The following GPHN variants were observed in gnomAD, a reference collection of about 807,000 sequenced individuals.
The protein encoded by GPHN is gephyrin.
A neutral mutation model predicts 95.5 loss-of-function variants in GPHN; 17 were observed. The ratio of observed to expected loss-of-function variants is 0.18; its 90% CI spans 0.12 to 0.27. The LOEUF is 0.27. Among genes scored for constraint, GPHN ranks in the 10% least tolerant of loss-of-function variants. GPHN has a pLI of 1.00. For missense variants in GPHN, 660 were observed against 978.1 expected (o/e 0.67, Z 4.34); for synonymous variants, 320 against 322.5 (o/e 0.99, Z 0.08).
chr14:67,015,879 AATG>A (rs2073282071), intron 9 of GPHN, among the ~76,000 whole-genome samples: 1 of 152,148 alleles, frequency 6.6e-6, no homozygotes, highest in East Asian at 1.9e-4. Context: ...ATTACTGTTA[AATG>A]ATTAGTCCAT....
the GPHN span, chr14:67,387,222 GT>G: frequency 1.8e-6 from 2 of 1,089,868 alleles, no homozygotes; most frequent in Non-Finnish European, 2.6e-6. Context: ...CTCCAAAGCA[GT>G]ACAAAACTTA....
intron 13 of GPHN, 26 bp from the exon 14 acceptor site, chr14:67,110,114 A>C: frequency 6.2e-7 from 1 of 1,609,976 alleles, no homozygotes; most frequent in Non-Finnish European, 8.5e-7. Flanking sequence ...AAGTACATCA[A>C]CTGTCTTTTT....
chr14:67,145,551 G>T (rs1449442226), intron 18 of GPHN, among the ~76,000 whole-genome samples: 1 of 152,122 alleles, frequency 6.6e-6, no homozygotes, highest in Non-Finnish European at 1.5e-5. Flanking sequence ...TTCCTTAGGA[G>T]CTGCTAATTG....
intron 1 of GPHN, among the ~76,000 whole-genome samples, chr14:66,558,418 A>G (rs73279779): frequency 0.072 from 10,941 of 152,200 alleles, 974 homozygotes; most frequent in African/African-American, 0.2. Flanking sequence ...GAAATTCTGT[A>G]ATCTGAACAA....
intron 3 of GPHN, among the ~76,000 whole-genome samples, chr14:66,824,116 T>G (rs1028328103): frequency 6.6e-6 from 1 of 152,210 alleles, no homozygotes; most frequent in Non-Finnish European, 1.5e-5. Context: ...CAAAATTTTA[T>G]GACATGTAAT....
chr14:67,318,918 C>T, the GPHN span, among the ~76,000 whole-genome samples: 1 of 152,110 alleles, frequency 6.6e-6, no homozygotes, highest in Admixed American at 6.5e-5. Flanking sequence ...ATTAGCCAGG[C>T]GTGATGGCGG....
chr14:67,198,310 AT>A, the GPHN span: 8 of 1,612,988 alleles, frequency 5.0e-6, no homozygotes, highest in Non-Finnish European at 6.8e-6. Context: ...TTAGAGAGCA[AT>A]TTTATCCAGG....
intron 12 of GPHN, among the ~76,000 whole-genome samples, chr14:67,098,511 T>A (rs2077514435): frequency 6.7e-6 from 1 of 150,092 alleles, no homozygotes. Context: ...GTGCAGGAAG[T>A]AAAAAAAAAG....
chr14:67,348,053 C>T, the GPHN span, among the ~76,000 whole-genome samples: 1 of 151,708 alleles, frequency 6.6e-6, no homozygotes, highest in African/African-American at 2.4e-5. Flanking sequence ...GCTGGGACAA[C>T]AGGCACATGC....
the GPHN span, chr14:67,228,566 C>T: frequency 6.6e-6 from 1 of 152,228 alleles, no homozygotes. Flanking sequence ...AAATCCATGT[C>T]AACCTAATTT....
At chr14:67,068,959 A>C (rs2076174843) in intron 11 of GPHN, among the ~76,000 whole-genome samples, 1 of 152,082 alleles carries the variant, frequency 6.6e-6, no homozygotes, top group Non-Finnish European at 1.5e-5. Flanking sequence ...CCAAGGTCAT[A>C]CTGGGAGTTC....
the GPHN span, among the ~76,000 whole-genome samples, chr14:67,206,211 T>C: frequency 6.6e-6 from 1 of 150,688 alleles, no homozygotes; most frequent in Non-Finnish European, 1.5e-5. Flanking sequence ...AAAAGAAAGA[T>C]GGTAGGGATG....
At chr14:67,579,944 C>T in the GPHN span, 1 of 1,412,658 alleles carries the variant, frequency 7.1e-7, no homozygotes, top group South Asian at 1.3e-5. Flanking sequence ...GGGAAAGAGC[C>T]CATCTGATGG....
chr14:66,946,740 A>G (rs2067782357), intron 8 of GPHN, among the ~76,000 whole-genome samples: 1 of 152,194 alleles, frequency 6.6e-6, no homozygotes, highest in Non-Finnish European at 1.5e-5. Context: ...TTTTATAAGT[A>G]TATTATAACT....
At chr14:66,741,456 C>T (rs2072785313) in intron 2 of GPHN, among the ~76,000 whole-genome samples, 1 of 151,916 alleles carries the variant, frequency 6.6e-6, no homozygotes, top group Non-Finnish European at 1.5e-5. Context: ...ATGATTTATT[C>T]AGGAGTATAA....
the GPHN span, among the ~76,000 whole-genome samples, chr14:67,202,407 T>C: frequency 6.6e-6 from 1 of 152,118 alleles, no homozygotes; most frequent in South Asian, 2.1e-4. Flanking sequence ...CCCATGGCAC[T>C]CCAGCCTGGG....
At chr14:67,453,110 G>A in the GPHN span, among the ~76,000 whole-genome samples, 2 of 152,258 alleles carry the variant, frequency 1.3e-5, no homozygotes, top group East Asian at 1.9e-4. Context: ...GCCCCAGGAA[G>A]GGGTACTGAG....
At chr14:67,429,757 A>G in the GPHN span, among the ~76,000 whole-genome samples, 2 of 152,054 alleles carry the variant, frequency 1.3e-5, no homozygotes, top group Non-Finnish European at 1.5e-5. Context: ...ATAAACAGCA[A>G]CAACAACAAA....
intron 10 of GPHN, among the ~76,000 whole-genome samples, chr14:67,040,230 A>T (rs921214602): frequency 2.0e-5 from 3 of 152,148 alleles, no homozygotes; most frequent in Admixed American, 2.0e-4. Flanking sequence ...ATTCCTGTAT[A>T]TCTTTCATCC....
Sources: allele counts gnomAD v4.1 joint callset (sites outside exome capture counted in the v4.1 genomes callset), GRCh38; gene constraint gnomAD v4.1.1; transcripts MANE v1.5; gene names NCBI Gene and HGNC (gene_info 2026-07-23, HGNC 2026-07-21).